TMEM272: variants seen among roughly 807,000 people sequenced by gnomAD.
The protein encoded by TMEM272 is transmembrane protein 272, also known as long intergenic non-protein coding RNA 282.
TMEM272 carries 8 observed loss-of-function variants against 3.7 expected under a neutral mutation model. That is an observed-to-expected ratio of 2.17 (90% confidence interval 1.27 to 3.91). TMEM272 has a LOEUF of 3.91. Ranked by LOEUF, TMEM272 falls within the 30% of genes most tolerant of loss-of-function variation. The pLI is 0.00. For missense variants in TMEM272, 166 were observed against 91.5 expected, an observed-to-expected ratio of 1.81 and a Z score of -3.32; for synonymous variants, 63 against 39.8, an observed-to-expected ratio of 1.58 and a Z score of -2.20.
At chr13:51,861,462 A>AAATTT in the TMEM272 span, among the ~76,000 whole-genome samples, 2 of 152,196 alleles carry the variant, frequency 1.3e-5, no homozygotes, top group African/African-American at 2.4e-5. Context: ...TGAAAATGAA[A>AAATTT]AATTAAAGAG....
At chr13:51,923,684 A>G in the TMEM272 span, among the ~76,000 whole-genome samples, 1 of 142,570 alleles carries the variant, frequency 7.0e-6, no homozygotes, top group African/African-American at 2.6e-5. Context: ...GATGAAGGAG[A>G]GAAGGGGGTA....
the TMEM272 span, among the ~76,000 whole-genome samples, chr13:51,875,723 C>T: frequency 6.6e-6 from 1 of 152,160 alleles, no homozygotes; most frequent in Non-Finnish European, 1.5e-5. Context: ...TCCTTGCAGG[C>T]GCTGCTGATC....
the TMEM272 span, among the ~76,000 whole-genome samples, chr13:51,879,490 T>G: frequency 6.6e-6 from 1 of 152,182 alleles, no homozygotes; most frequent in East Asian, 1.9e-4. Flanking sequence ...GCAGATGACT[T>G]TAAGGGGTTT....
the TMEM272 span, among the ~76,000 whole-genome samples, chr13:51,887,768 A>G: frequency 1.1e-4 from 17 of 152,170 alleles, no homozygotes; most frequent in Non-Finnish European, 2.5e-4. Context: ...ACTCTTCTCA[A>G]TCCTTCACTT....
the TMEM272 span, among the ~76,000 whole-genome samples, chr13:51,874,819 G>A: frequency 6.6e-6 from 1 of 152,278 alleles, no homozygotes; most frequent in South Asian, 2.1e-4. Context: ...GGTTTTGCTC[G>A]TGTTTTATGG....
chr13:51,816,942 A>G lies in TMEM272; in HGVS notation c.373T>C (p.Trp125Arg), dbSNP rs773400045. ...TCAGGCAGGTACACAGAAAAGACCC[A>G]GTAGTTTCCCAGGATGAACCAGAGG... ...LFLWFILGNYWVFSVYLPDFL... is the reference protein window; with the variant it reads ...LFLWFILGNYRVFSVYLPDFL... Residue 125 changes from tryptophan (W) to arginine (R), a missense_variant, in exon 5 of 5, where the codon TGG becomes CGG. By Grantham distance (101) the Trp-to-Arg change is moderately radical. Transcript: ENST00000629372. 1 of 703,100 alleles carries G rather than the reference A, an allele frequency of 1.4e-6. No homozygotes were observed. The highest frequency in any genetic ancestry group is 1.5e-5 in the South Asian group (1 of 67,608). 43.6% of individuals were successfully genotyped at this position (703,100 alleles called of 1,614,324 possible). A position where few individuals can be genotyped will look rare whatever the true frequency, so the allele number is the denominator to read the frequency against.
At chr13:51,889,236 A>G in the TMEM272 span, among the ~76,000 whole-genome samples, 3 of 152,232 alleles carry the variant, frequency 2.0e-5, no homozygotes, top group African/African-American at 7.2e-5. Flanking sequence ...AGGCTTTTCT[A>G]AAAGTATTCA....
intron 1 of TMEM272, among the ~76,000 whole-genome samples, chr13:51,838,818 G>A (rs972895187): frequency 6.6e-5 from 10 of 152,170 alleles, no homozygotes; most frequent in African/African-American, 1.9e-4. Flanking sequence ...AGGCCTGGAG[G>A]GGGAGATGGT....
chr13:51,837,913 T>C (rs1036376148), intron 2 of TMEM272, among the ~76,000 whole-genome samples: 5 of 152,204 alleles, frequency 3.3e-5, no homozygotes, highest in African/African-American at 1.2e-4. Flanking sequence ...ATTTCATCTG[T>C]AAAAGTTAGA....
intron 4 of TMEM272, among the ~76,000 whole-genome samples, chr13:51,821,800 AG>A (rs1956082006): frequency 6.6e-6 from 1 of 151,946 alleles, no homozygotes; most frequent in Non-Finnish European, 1.5e-5. Context: ...AACTCTTGTC[AG>A]ACCAAAGCCA....
At chr13:51,890,652 T>G in the TMEM272 span, among the ~76,000 whole-genome samples, 2 of 152,126 alleles carry the variant, frequency 1.3e-5, no homozygotes, top group Non-Finnish European at 2.9e-5. Flanking sequence ...GCACACAAAC[T>G]TATGTTAAAT....
intron 2 of TMEM272, among the ~76,000 whole-genome samples, chr13:51,834,022 C>T (rs554950792): frequency 1.3e-5 from 2 of 152,254 alleles, no homozygotes; most frequent in African/African-American, 4.8e-5. Context: ...CTAGAAGCAC[C>T]TAGGGAGGCG....
At chr13:51,915,592 A>G in the TMEM272 span, among the ~76,000 whole-genome samples, 1 of 152,298 alleles carries the variant, frequency 6.6e-6, no homozygotes, top group Non-Finnish European at 1.5e-5. Flanking sequence ...ACATATACGC[A>G]GAGACACGCC....
the TMEM272 span, among the ~76,000 whole-genome samples, chr13:51,930,996 T>G: frequency 9.9e-5 from 15 of 152,172 alleles, no homozygotes; most frequent in Non-Finnish European, 2.2e-4. Context: ...ATTTGTTTAT[T>G]AAAAAGGTAA....
the TMEM272 span, among the ~76,000 whole-genome samples, chr13:51,911,833 T>A: frequency 6.6e-6 from 1 of 152,076 alleles, no homozygotes; most frequent in East Asian, 1.9e-4. Context: ...CGGCCCTCCA[T>A]GCACTGCCCA....
chr13:51,887,692 G>A, the TMEM272 span, among the ~76,000 whole-genome samples: 83 of 152,214 alleles, frequency 5.5e-4, no homozygotes, highest in Non-Finnish European at 1.3e-4. Flanking sequence ...TTGTTTCCAC[G>A]ACCAGACCAC....
chr13:51,833,759 G>GT (rs1956192549), intron 2 of TMEM272, among the ~76,000 whole-genome samples: 1 of 152,196 alleles, frequency 6.6e-6, no homozygotes, highest in Non-Finnish European at 1.5e-5. Context: ...AGTTGTTCAT[G>GT]TAACAGGACG....
chr13:51,886,658 C>T, the TMEM272 span, among the ~76,000 whole-genome samples: 1 of 152,306 alleles, frequency 6.6e-6, no homozygotes, highest in South Asian at 2.1e-4. Flanking sequence ...TCAAGTTATA[C>T]TTACTACAAC....
At chr13:51,888,298 G>C in the TMEM272 span, among the ~76,000 whole-genome samples, 2 of 151,964 alleles carry the variant, frequency 1.3e-5, no homozygotes, top group South Asian at 4.2e-4. Flanking sequence ...CGTTCACCTC[G>C]GACTCCCAAA....
Sources: gnomAD v4.1 joint callset for allele counts (sites outside exome capture counted in the v4.1 genomes callset) on GRCh38, gnomAD v4.1.1 for gene constraint, MANE v1.5 for transcripts, NCBI Gene and HGNC (gene_info 2026-07-23, HGNC 2026-07-21) for gene names.